The following PALLD variants were observed in gnomAD, a reference collection of about 807,000 sequenced individuals.
PALLD encodes palladin, cytoskeletal associated protein, also known as palladin.
A neutral mutation model predicts 123.5 loss-of-function variants in PALLD; 61 were observed. The observed-to-expected ratio is 0.49, with a 90% CI of 0.40 to 0.61. The LOEUF (loss-of-function observed/expected upper bound fraction) is 0.61. PALLD is among the 20% of genes least tolerant of loss of function. The probability of loss-of-function intolerance (pLI) is 0.00; values close to 1 mark genes in which losing one functional copy is unlikely to be tolerated. For missense variants in PALLD, 1,273 were observed against 1,377.0 expected, an observed-to-expected ratio of 0.92 and a Z score of 1.20; for synonymous variants, 465 against 496.4, an observed-to-expected ratio of 0.94 and a Z score of 0.84.
chr4:168,877,294 C>T (rs1425261238), intron 10 of PALLD, among the ~76,000 whole-genome samples: 2 of 152,238 alleles, frequency 1.3e-5, no homozygotes, highest in African/African-American at 2.4e-5. Context: ...AATATAACTT[C>T]AACCAAGTGT....
chr4:168,898,539 A>C lies in PALLD; in HGVS notation c.2297A>C (p.Glu766Ala). The C allele has an allele frequency of 6.2e-7, 1 of 1,613,908 alleles. No homozygotes were observed. Among genetic ancestry groups the C allele is most frequent in the South Asian group, 1.1e-5 (1 of 91,082 alleles). The change falls in exon 14 of 22, where the codon GAG (glutamate) becomes GCG (alanine). Residue 766 changes from glutamate to alanine, a missense_variant. Physicochemically the swap from Glu to Ala is moderately radical, Grantham distance 107. Coordinates refer to ENST00000505667, the MANE Select transcript of PALLD (RefSeq NM_001166108.2). ...GAACAGAGACTCATCAGTGAAATAG[A>C]GTACAGGCTAGAAAGGTCTCCTGTG... ...SCEQRLISEI[E>A]YRLERSPVDE...
At chr4:168,613,594 T>A (rs1773939924) in intron 2 of PALLD, among the ~76,000 whole-genome samples, 1 of 152,186 alleles carries the variant, frequency 6.6e-6, no homozygotes, top group Non-Finnish European at 1.5e-5. Flanking sequence ...GAAACATACA[T>A]ATTTATATTG....
chr4:168,675,593 T>C (rs558690431), intron 3 of PALLD, among the ~76,000 whole-genome samples: 8 of 152,388 alleles, frequency 5.2e-5, no homozygotes, highest in Non-Finnish European at 8.8e-5. Context: ...TATTTTATGA[T>C]GGCTCTATGC....
At chr4:168,505,746 C>T (rs554971456) in intron 1 of PALLD, among the ~76,000 whole-genome samples, 5 of 152,306 alleles carry the variant, frequency 3.3e-5, no homozygotes, top group East Asian at 1.9e-4. Context: ...CAATGCCCAC[C>T]GCAGGGTAAG....
intron 6 of PALLD, among the ~76,000 whole-genome samples, chr4:168,687,818 AACAGC>A (rs1782227856): frequency 6.6e-6 from 1 of 152,238 alleles, no homozygotes; most frequent in Non-Finnish European, 1.5e-5. Flanking sequence ...TCTTTGTGCT[AACAGC>A]ACAGCTTTAA....
chr4:168,782,716 G>A (rs28666620), intron 10 of PALLD, among the ~76,000 whole-genome samples: 679 of 151,636 alleles, frequency 4.5e-3, no homozygotes, highest in African/African-American at 0.015. Flanking sequence ...CGAGACCAGC[G>A]TAGCCAACAT....
intron 15 of PALLD, among the ~76,000 whole-genome samples, chr4:168,912,467 A>T (rs1372751929): frequency 6.6e-6 from 1 of 152,196 alleles, no homozygotes; most frequent in Non-Finnish European, 1.5e-5. Flanking sequence ...AAAAAAACAA[A>T]TTAAGAGAAA....
chr4:168,759,709 G>T (rs1732552328), intron 10 of PALLD, among the ~76,000 whole-genome samples: 1 of 152,112 alleles, frequency 6.6e-6, no homozygotes, highest in Non-Finnish European at 1.5e-5. Flanking sequence ...TTCTAATCCT[G>T]TGCAGGTCCA....
rs767636400 is a variant in PALLD at position 168,925,023 on chromosome 4, G to T, written c.3303G>T (p.Val1101=). The T allele has an allele frequency of 6.2e-7, 1 of 1,614,100 alleles. No individual in the cohort carries two copies. Among genetic ancestry groups the T allele is most frequent in the South Asian group, 1.1e-5 (1 of 91,084 alleles). Residue 1101 remains valine (V), a synonymous_variant, in exon 20 of 22, where the codon GTG becomes GTT. Coordinates refer to ENST00000505667, the MANE Select transcript of PALLD (RefSeq NM_001166108.2). ...ATKEDAGWYT[V]SAKNEAGIVS... ...AAGAAGATGCTGGGTGGTATACTGT[G>T]TCAGCCAAGAATGAAGCAGGGATTG... is the stretch of plus-strand genomic sequence containing the variant.
At chr4:168,862,664 T>C (rs1228742924) in intron 10 of PALLD, among the ~76,000 whole-genome samples, 1 of 152,230 alleles carries the variant, frequency 6.6e-6, no homozygotes, top group African/African-American at 2.4e-5. Context: ...AAAAGCCATT[T>C]GTCAGGGTAA....
At chr4:168,850,504 A>G (rs1454604322) in intron 10 of PALLD, among the ~76,000 whole-genome samples, 1 of 112,024 alleles carries the variant, frequency 8.9e-6, no homozygotes, top group Non-Finnish European at 1.8e-5. Flanking sequence ...CACTTATATA[A>G]TTTGTAAGTC....
intron 10 of PALLD, among the ~76,000 whole-genome samples, chr4:168,884,687 G>A (rs1455256417): frequency 6.6e-6 from 1 of 152,176 alleles, no homozygotes; most frequent in Non-Finnish European, 1.5e-5. Context: ...GAACAGAGTT[G>A]AACACTGAGA....
At chr4:168,836,156 C>T (rs546998932) in intron 10 of PALLD, among the ~76,000 whole-genome samples, 6 of 152,202 alleles carry the variant, frequency 3.9e-5, no homozygotes, top group South Asian at 2.1e-4. Flanking sequence ...ATAATGACTA[C>T]GAGGAAACAA....
chr4:168,672,830 A>G (rs1780434978), intron 3 of PALLD, among the ~76,000 whole-genome samples: 1 of 152,156 alleles, frequency 6.6e-6, no homozygotes, highest in Non-Finnish European at 1.5e-5. Flanking sequence ...AAATCACCCT[A>G]TTTTATAGTT....
intron 10 of PALLD, chr4:168,828,980 G>C (rs1237063557): frequency 6.6e-6 from 1 of 152,250 alleles, no homozygotes; most frequent in Non-Finnish European, 1.5e-5. Context: ...AAAAGTAATA[G>C]AAGGAGAAGA....
intron 2 of PALLD, among the ~76,000 whole-genome samples, chr4:168,531,874 G>A (rs1454607681): frequency 6.6e-6 from 1 of 152,076 alleles, no homozygotes; most frequent in Non-Finnish European, 1.5e-5. Flanking sequence ...AGGGGAAGGG[G>A]AATCTTCCAA....
chr4:168,539,317 C>T (rs929599470), intron 2 of PALLD, among the ~76,000 whole-genome samples: 10 of 152,196 alleles, frequency 6.6e-5, no homozygotes, highest in East Asian at 3.9e-4. Context: ...TGCCCGGGCG[C>T]GGTGGCTCAC....
intron 10 of PALLD, among the ~76,000 whole-genome samples, chr4:168,745,481 T>C (rs1368075728): frequency 6.6e-6 from 1 of 152,140 alleles, no homozygotes; most frequent in African/African-American, 2.4e-5. Context: ...ACACTTTTTT[T>C]TTTCCTTCTT....
At chr4:168,560,456 A>C (rs1254497357) in intron 2 of PALLD, among the ~76,000 whole-genome samples, 2 of 152,372 alleles carry the variant, frequency 1.3e-5, no homozygotes, top group Middle Eastern at 3.4e-3. Context: ...AGGTTCACAC[A>C]TAATTTGAAC....
Sources: allele counts gnomAD v4.1 joint callset (sites outside exome capture counted in the v4.1 genomes callset), GRCh38; gene constraint gnomAD v4.1.1; transcripts MANE v1.5; gene names NCBI Gene and HGNC (gene_info 2026-07-23, HGNC 2026-07-21).